The following C8orf34 variants were observed in gnomAD, a reference collection of about 807,000 sequenced individuals.
The protein encoded by C8orf34 is uncharacterized protein C8orf34.
C8orf34 carries 65 observed loss-of-function variants against 68.3 expected under a neutral mutation model. The ratio of observed to expected loss-of-function variants is 0.95; its 90% CI spans 0.78 to 1.17. C8orf34 has a LOEUF of 1.17. Among genes scored for constraint, C8orf34 ranks in the 50% most tolerant of loss-of-function variants. C8orf34 has a pLI of 0.00. For synonymous variants in C8orf34, 244 were observed against 241.2 expected, an observed-to-expected ratio of 1.01 and a Z score of -0.11; for missense variants, 664 against 655.4, an observed-to-expected ratio of 1.01 and a Z score of -0.14.
chr8:68,463,592 C>T (rs1220840951), intron 3 of C8orf34, among the ~76,000 whole-genome samples: 1 of 152,168 alleles, frequency 6.6e-6, no homozygotes, highest in African/African-American at 2.4e-5. Context: ...GCTTATCCAC[C>T]ATGATCAACT....
intron 10 of C8orf34, among the ~76,000 whole-genome samples, chr8:68,724,601 T>A (rs1821772278): frequency 6.6e-6 from 1 of 152,220 alleles, no homozygotes; most frequent in South Asian, 2.1e-4. Flanking sequence ...GTCGTTCTTC[T>A]GGAATTTCCC....
intron 6 of C8orf34, among the ~76,000 whole-genome samples, chr8:68,522,839 G>A (rs1272605131): frequency 1.3e-5 from 2 of 152,164 alleles, no homozygotes; most frequent in African/African-American, 4.8e-5. Flanking sequence ...TTCTGTGAGT[G>A]TTACCAGCTG....
chr8:68,532,943 T>G, intron 6 of C8orf34, 40 bp from the exon 7 acceptor site: 1 of 1,398,296 alleles, frequency 7.2e-7, no homozygotes, highest in Non-Finnish European at 9.9e-7. Flanking sequence ...TAGATTTTCT[T>G]TACTTATCAC....
chr8:68,542,906 A>G (rs1815748916), intron 7 of C8orf34, among the ~76,000 whole-genome samples: 1 of 152,104 alleles, frequency 6.6e-6, no homozygotes, highest in African/African-American at 2.4e-5. Context: ...TTTGTTTAAA[A>G]CATACTCTCT....
chr8:68,521,108 G>A (rs965628244), intron 5 of C8orf34, among the ~76,000 whole-genome samples: 1 of 152,140 alleles, frequency 6.6e-6, no homozygotes, highest in African/African-American at 2.4e-5. Flanking sequence ...GATATACACT[G>A]ATATGAATTT....
chr8:68,667,488 G>A (rs771793639), intron 8 of C8orf34, among the ~76,000 whole-genome samples: 27 of 152,124 alleles, frequency 1.8e-4, no homozygotes, highest in Admixed American at 3.9e-4. Context: ...AGCAGCAGCT[G>A]TTATGGAAAC....
At chr8:68,558,172 T>C (rs1290032561) in intron 7 of C8orf34, among the ~76,000 whole-genome samples, 1 of 152,132 alleles carries the variant, frequency 6.6e-6, no homozygotes, top group Non-Finnish European at 1.5e-5. Flanking sequence ...TGAAAACTAT[T>C]ATATTAACCC....
intron 8 of C8orf34, among the ~76,000 whole-genome samples, chr8:68,679,825 G>A (rs1413871681): frequency 6.6e-6 from 1 of 152,070 alleles, no homozygotes; most frequent in African/African-American, 2.4e-5. Context: ...AACATGCACA[G>A]GGGAAAGAAC....
At chr8:68,756,891 T>C (rs1822878087) in intron 10 of C8orf34, among the ~76,000 whole-genome samples, 1 of 152,350 alleles carries the variant, frequency 6.6e-6, no homozygotes, top group South Asian at 2.1e-4. Context: ...TGGATATTTC[T>C]TCTTAAAGAT....
At chr8:68,516,358 G>A (rs931137585) in intron 5 of C8orf34, among the ~76,000 whole-genome samples, 2 of 152,172 alleles carry the variant, frequency 1.3e-5, no homozygotes, top group African/African-American at 4.8e-5. Context: ...GAGCAAAGGA[G>A]TTTAAGATAT....
At chr8:68,393,700 G>T (rs1314956012) in intron 1 of C8orf34, among the ~76,000 whole-genome samples, 1 of 152,160 alleles carries the variant, frequency 6.6e-6, no homozygotes, top group Non-Finnish European at 1.5e-5. Context: ...GCAAGCATCA[G>T]TTCATGCAGG....
intron 1 of C8orf34, among the ~76,000 whole-genome samples, chr8:68,368,064 A>G (rs1221184387): frequency 2.6e-5 from 4 of 152,064 alleles, no homozygotes; most frequent in Admixed American, 1.3e-4. Flanking sequence ...ATTTTAAAGT[A>G]TTTAAAAGTG....
intron 7 of C8orf34, chr8:68,535,209 A>T: frequency 1.0e-6 from 1 of 981,156 alleles, no homozygotes; most frequent in South Asian, 4.7e-5. Flanking sequence ...AGTTCTTGGA[A>T]ATTTATGTGA....
chr8:68,652,298 TATACA>T (rs1471032633), intron 8 of C8orf34, among the ~76,000 whole-genome samples: 1 of 152,256 alleles, frequency 6.6e-6, no homozygotes, highest in Non-Finnish European at 1.5e-5. Context: ...AAGAATTATT[TATACA>T]TTATGTATCT....
intron 1 of C8orf34, among the ~76,000 whole-genome samples, chr8:68,335,352 T>A (rs1467907454): frequency 6.6e-6 from 1 of 152,168 alleles, no homozygotes; most frequent in South Asian, 2.1e-4. Context: ...AATATAAGCT[T>A]GGTAGTTATA....
At chr8:68,726,879 G>T (rs959660020) in intron 10 of C8orf34, among the ~76,000 whole-genome samples, 3 of 152,068 alleles carry the variant, frequency 2.0e-5, no homozygotes, top group Non-Finnish European at 2.9e-5. Context: ...CAACACACGG[G>T]AATTCTGGGA....
chr8:68,476,520 A>T (rs1327974373), intron 4 of C8orf34, among the ~76,000 whole-genome samples: 1 of 152,188 alleles, frequency 6.6e-6, no homozygotes, highest in Non-Finnish European at 1.5e-5. Context: ...AGTAAAAAGG[A>T]TAGTTTTATT....
intron 3 of C8orf34, among the ~76,000 whole-genome samples, chr8:68,462,253 T>G (rs1811871456): frequency 6.6e-6 from 1 of 152,122 alleles, no homozygotes; most frequent in East Asian, 1.9e-4. Flanking sequence ...ATCCTAAATA[T>G]ATATGCACCC....
At chr8:68,532,603 A>C (rs1178059157) in intron 6 of C8orf34, among the ~76,000 whole-genome samples, 2 of 152,224 alleles carry the variant, frequency 1.3e-5, no homozygotes, top group African/African-American at 2.4e-5. Flanking sequence ...GTAATATTAT[A>C]AAATATTTAT....
Sources: allele counts gnomAD v4.1 joint callset (sites outside exome capture counted in the v4.1 genomes callset), GRCh38; gene constraint gnomAD v4.1.1; transcripts MANE v1.5; gene names NCBI Gene and HGNC (gene_info 2026-07-23, HGNC 2026-07-21).